The following USP47 variants were observed in gnomAD, a reference collection of about 807,000 sequenced individuals.
USP47 encodes the protein ubiquitin specific peptidase 47.
In USP47, 35 loss-of-function variants were observed where a neutral mutation model predicts 165.1. That is an observed-to-expected ratio of 0.21 (90% CI 0.16 to 0.28). The LOEUF is 0.28. Among genes scored for constraint, USP47 ranks in the 10% least tolerant of loss-of-function variants. The pLI is 1.00. For missense variants in USP47, 1,277 were observed against 1,607.4 expected (o/e 0.79, Z 3.52); for synonymous variants, 531 against 544.5 (o/e 0.98, Z 0.35).
intron 1 of USP47, among the ~76,000 whole-genome samples, chr11:11,869,576 TCTG>T (rs763069894): frequency 2.6e-5 from 4 of 152,192 alleles, no homozygotes; most frequent in Non-Finnish European, 4.4e-5. Context: ...TTTTAGTTAT[TCTG>T]ATTCCTTTGC....
chr11:11,881,842 A>G (rs750178415), intron 2 of USP47, among the ~76,000 whole-genome samples: 2 of 152,140 alleles, frequency 1.3e-5, no homozygotes, highest in African/African-American at 2.4e-5. Flanking sequence ...AGACCTAATC[A>G]GCTCCTAAGG....
At chr11:11,903,591 CTT>C (rs1371342455) in intron 7 of USP47, among the ~76,000 whole-genome samples, 1 of 152,046 alleles carries the variant, frequency 6.6e-6, no homozygotes, top group Non-Finnish European at 1.5e-5. Flanking sequence ...TGGAAGTTCT[CTT>C]TTAGCTCTGA....
intron 1 of USP47, among the ~76,000 whole-genome samples, chr11:11,868,364 A>G (rs1158503270): frequency 6.6e-6 from 1 of 152,106 alleles, no homozygotes; most frequent in Non-Finnish European, 1.5e-5. Flanking sequence ...TCATTTTAAG[A>G]GTGTTGTAAA....
chr11:11,864,095 T>C (rs1410195719), intron 1 of USP47, among the ~76,000 whole-genome samples: 1 of 152,134 alleles, frequency 6.6e-6, no homozygotes, highest in African/African-American at 2.4e-5. Flanking sequence ...GCTATATTTA[T>C]TTTATATCTA....
At chr11:11,933,422 C>T (rs1385006254) in intron 15 of USP47, among the ~76,000 whole-genome samples, 2 of 151,928 alleles carry the variant, frequency 1.3e-5, no homozygotes, top group East Asian at 1.9e-4. Flanking sequence ...TTATCAAGAG[C>T]CTTAAGCAAA....
In USP47 at chr11:11,959,267, T is replaced by TA. The variant is rs1847349775; in HGVS notation, c.*3093dup. On this transcript the variant is annotated 3_prime_UTR_variant, in exon 28 of 28. Coordinates refer to ENST00000527733, the MANE Select transcript of USP47 (RefSeq NM_001282659.2). Reference sequence around the variant, plus strand: ...GTAGTCTAAACCACATTACGTGGACTAGAGGATACTCTGAATTAGCAAGTT... The same window carrying TA: ...GTAGTCTAAACCACATTACGTGGACTAAGAGGATACTCTGAATTAGCAAGTT... 6.6e-6 allele frequency: 1 copy of TA among 152,254 alleles called. No individual in the cohort carries two copies. Among genetic ancestry groups the TA allele is most frequent in the African/African-American group, 2.4e-5 (1 of 41,466 alleles). 9.4% of individuals were successfully genotyped at this position (152,254 alleles called of 1,614,324 possible).
rs1446895878 is a variant in USP47, at chr11:11,920,409, C to A, written c.1133C>A (p.Thr378Lys). 53 of 1,611,492 alleles carry A rather than the reference C, an allele frequency of 3.3e-5. No homozygotes were observed. Among genetic ancestry groups the A allele is most frequent in the Non-Finnish European group, 4.4e-5 (52 of 1,178,500 alleles). Residue 378 changes from threonine to lysine, a missense_variant, in exon 10 of 28, where the codon ACA (threonine) becomes AAA (lysine). Transcript: ENST00000527733. The stretch of plus-strand genomic sequence containing the variant: ...CTGAAAAGATTCGATTTTGATTATA[C>A]AACCATGCATAGGATTAAACTGAAT... ...LQLKRFDFDY[T>K]TMHRIKLNDR... is the part of the protein sequence containing the mutation.
intron 18 of USP47, among the ~76,000 whole-genome samples, chr11:11,938,752 G>GGA (rs1328355380): frequency 6.6e-6 from 1 of 151,946 alleles, no homozygotes; most frequent in South Asian, 2.1e-4. Context: ...AGTGTCTGGT[G>GGA]ACACTAGACT....
rs376819081 is a variant in USP47, at chr11:11,902,760, A to T, written c.639A>T (p.Pro213=). The T allele has an allele frequency of 5.6e-6, 9 of 1,599,358 alleles. No individual in the cohort carries two copies. Among genetic ancestry groups the T allele is most frequent in the Non-Finnish European group, 7.7e-6 (9 of 1,172,154 alleles). Residue 213 remains proline, a synonymous_variant, in exon 6 of 28, where the codon CCA becomes CCT. Transcript: ENST00000527733. ...ESEEDPVTSI[P]YQLQRLFVLL... ...AAGAAGATCCAGTGACAAGTATTCC[A>T]TACCAACTTCAAAGGCTTTTTGTTT...
intron 11 of USP47, among the ~76,000 whole-genome samples, chr11:11,924,317 C>T (rs1248668404): frequency 6.6e-6 from 1 of 152,012 alleles, no homozygotes; most frequent in African/African-American, 2.4e-5. Flanking sequence ...GGAATGAATC[C>T]TGCTTTGTCA....
intron 6 of USP47, 144 bp downstream of exon 6, chr11:11,903,004 C>G (rs750608679): frequency 1.4e-5 from 13 of 913,482 alleles, no homozygotes; most frequent in Middle Eastern, 3.5e-4. Flanking sequence ...TAACACATTT[C>G]ATAACTCTAC....
chr11:11,897,447 T>C (rs533239082), intron 4 of USP47, 150 bp from the exon 5 acceptor site: 4 of 580,934 alleles, frequency 6.9e-6, no homozygotes, highest in Non-Finnish European at 9.0e-6. Context: ...AAGGGATCTT[T>C]TCTTAGGTGC....
At chr11:11,907,558 C>T (rs2134482424) in intron 8 of USP47, among the ~76,000 whole-genome samples, 1 of 152,232 alleles carries the variant, frequency 6.6e-6, no homozygotes, top group East Asian at 1.9e-4. Flanking sequence ...CATACAGCAT[C>T]TAAAATTGGT....
chr11:11,932,881 A>G (rs1397799401), intron 14 of USP47, 123 bp from the exon 15 acceptor site: 1 of 683,366 alleles, frequency 1.5e-6, no homozygotes, highest in East Asian at 2.8e-5. Context: ...GAAGGATGTA[A>G]TGGAGATATA....
In USP47 at chr11:11,903,285, A is replaced by G. The variant is rs780392918; in HGVS notation, c.762A>G (p.Gln254=). The stretch of plus-strand genomic sequence containing the variant: ...CAGCTTGGCAGCAGCATGATGTACA[A>G]GAACTATGCAGAGTCATGTTTGATG... ...SSEAWQQHDV[Q]ELCRVMFDAL... Residue 254 remains glutamine (Q), a synonymous_variant, in exon 7 of 28, where the codon CAA becomes CAG. Transcript: ENST00000527733. The G allele has an allele frequency of 8.3e-5, 133 of 1,611,394 alleles. 1 individual carries two copies. The Admixed American group carries it at 2.2e-3, about 26-fold the overall frequency.
chr11:11,902,075 C>T (rs1447068476), intron 5 of USP47, among the ~76,000 whole-genome samples: 2 of 151,884 alleles, frequency 1.3e-5, no homozygotes, highest in Non-Finnish European at 2.9e-5. Context: ...TACCCTCCAA[C>T]TTGATTGTTT....
Position 11,910,003 on chromosome 11 carries a change from G to A in USP47, c.969+4455G>A, listed in dbSNP as rs553753313. Among the ~76,000 whole-genome samples the A allele has an allele frequency of 1.3e-3, 200 of 152,248 alleles. 2 individuals carry two copies. The highest frequency in any genetic ancestry group is 2.1e-3 in the Non-Finnish European group (144 of 68,014). ...CAGTGGTCCAAATTTGTCCAAATAT[G>A]TAAGCATCAGTTAAAGAAAAATCTC... is the stretch of plus-strand genomic sequence containing the variant. On this transcript the variant is annotated intron_variant, in intron 8 of 27. Coordinates refer to ENST00000527733, the MANE Select transcript of USP47 (RefSeq NM_001282659.2).
At chr11:11,851,461 A>AT (rs372368733) in intron 1 of USP47, among the ~76,000 whole-genome samples, 1 of 151,988 alleles carries the variant, frequency 6.6e-6, no homozygotes, top group Non-Finnish European at 1.5e-5. Context: ...CCCTTAGTTT[A>AT]TTTTTTTGTT....
At chr11:11,873,038 AATATT>A (rs1850170249) in intron 1 of USP47, among the ~76,000 whole-genome samples, 1 of 152,148 alleles carries the variant, frequency 6.6e-6, no homozygotes, top group African/African-American at 2.4e-5. Flanking sequence ...CTGTATAATA[AATATT>A]ATATGTGCAT....
Sources: gnomAD v4.1 joint callset for allele counts (sites outside exome capture counted in the v4.1 genomes callset) on GRCh38, gnomAD v4.1.1 for gene constraint, MANE v1.5 for transcripts, NCBI Gene and HGNC (gene_info 2026-07-23, HGNC 2026-07-21) for gene names.